Variants in TMEM200A observed in about 807,000 individuals in gnomAD.
TMEM200A encodes the protein two transmembrane C.
TMEM200A carries 12 observed loss-of-function variants against 24.3 expected under a neutral mutation model. The observed-to-expected ratio is 0.49, with a 90% CI of 0.32 to 0.80. TMEM200A has a LOEUF of 0.80. TMEM200A is among the 30% of genes least tolerant of loss of function. The probability of loss-of-function intolerance (pLI) is 0.04; values close to 1 mark genes in which losing one functional copy is unlikely to be tolerated. For synonymous variants in TMEM200A, 224 were observed against 224.4 expected (o/e 1.00, Z 0.02); for missense variants, 545 against 614.4 (o/e 0.89, Z 1.19).
chr6:130,414,955 A>T (rs1779415409), intron 2 of TMEM200A, among the ~76,000 whole-genome samples: 1 of 152,086 alleles, frequency 6.6e-6, no homozygotes, highest in Non-Finnish European at 1.5e-5. Context: ...GAACTTCCAA[A>T]CCCACCTTTG....
intron 2 of TMEM200A, among the ~76,000 whole-genome samples, chr6:130,432,899 T>C (rs1779911710): frequency 6.6e-6 from 1 of 152,174 alleles, no homozygotes; most frequent in Admixed American, 6.5e-5. Context: ...GATTCATTGT[T>C]CAAATGTGGT....
At chr6:130,378,722 CAAAAAA>C (rs56819618) in intron 1 of TMEM200A, among the ~76,000 whole-genome samples, 2 of 56,362 alleles carry the variant, frequency 3.5e-5, no homozygotes, top group African/African-American at 1.2e-4. Flanking sequence ...GACTCCGTCT[CAAAAAA>C]AAAAAAAAAA....
Position 130,441,028 on chromosome 6 carries a change from C to G in TMEM200A, c.606C>G (p.Ala202=), listed in dbSNP as rs761177929. 6.2e-7 allele frequency: 1 copy of G among 1,613,870 alleles called. No homozygotes were observed. Residue 202 remains alanine (A), a synonymous_variant, in exon 3 of 3, where the codon GCC becomes GCG. Coordinates refer to ENST00000296978, the MANE Select transcript of TMEM200A (RefSeq NM_001258277.2). ...TEVKQNGSSC[A]SRLAANTIAS... ...TAAAACAGAATGGGAGCTCCTGTGC[C>G]TCGAGATTGGCAGCAAATACGATCG... is the stretch of plus-strand genomic sequence containing the variant.
At chr6:130,367,407 T>C (rs891241866) in intron 1 of TMEM200A, among the ~76,000 whole-genome samples, 3 of 152,246 alleles carry the variant, frequency 2.0e-5, no homozygotes, top group South Asian at 4.1e-4. Context: ...AGAAAGAATA[T>C]TGAACTCTCG....
intron 2 of TMEM200A, among the ~76,000 whole-genome samples, chr6:130,419,377 A>G (rs1779528299): frequency 6.6e-6 from 1 of 152,188 alleles, no homozygotes; most frequent in Admixed American, 6.6e-5. Context: ...GCTGCAATAA[A>G]CATGGGAGTA....
intron 2 of TMEM200A, among the ~76,000 whole-genome samples, chr6:130,436,963 C>T (rs1554285309): frequency 6.6e-6 from 1 of 152,040 alleles, no homozygotes; most frequent in Non-Finnish European, 1.5e-5. Context: ...TCACTAGGCT[C>T]CTTATTGTGC....
chr6:130,400,472 G>A (rs1419874116), intron 2 of TMEM200A, among the ~76,000 whole-genome samples: 1 of 150,376 alleles, frequency 6.6e-6, no homozygotes, highest in African/African-American at 2.4e-5. Context: ...CCTACTGTTT[G>A]GAGAATCTCC....
At position 130,442,077 on chromosome 6, in the gene TMEM200A, A is replaced by G; in HGVS notation, c.*179A>G. 1 of 520,976 alleles carries G rather than the reference A, an allele frequency of 1.9e-6. No homozygotes were observed. Among genetic ancestry groups the G allele is most frequent in the Non-Finnish European group, 3.4e-6 (1 of 294,822 alleles). 32.3% of individuals were successfully genotyped at this position (520,976 alleles called of 1,614,324 possible). A position where few individuals can be genotyped will look rare whatever the true frequency, so the allele number is the denominator to read the frequency against. On this transcript the variant is annotated 3_prime_UTR_variant, in exon 3 of 3. Coordinates refer to ENST00000296978, the MANE Select transcript of TMEM200A (RefSeq NM_001258277.2). ...TGTTTGGGTTACTTGTGACTGCAGTACTCTATGTTACCACACATGATTTTA... is the reference window on the plus strand; with the variant it reads ...TGTTTGGGTTACTTGTGACTGCAGTGCTCTATGTTACCACACATGATTTTA...
Position 130,441,109 on chromosome 6 carries a change from T to C in TMEM200A, c.687T>C (p.Asp229=). The change falls in exon 3 of 3, where the codon GAT becomes GAC. Residue 229 remains aspartate, a synonymous_variant. Transcript: ENST00000296978. ...GAATGGACAGCTCCGTGGAGGAGGA[T>C]GAACTTATGTTAAATGAAGGTAAGA... ...SFRMDSSVEE[D]ELMLNEGKSS... is the part of the protein sequence containing the mutation. 6.2e-7 allele frequency: 1 copy of C among 1,614,034 alleles called. No homozygotes were observed. The highest frequency in any genetic ancestry group is 8.5e-7 in the Non-Finnish European group (1 of 1,179,976).
At chr6:130,410,224 G>C (rs1278290309) in intron 2 of TMEM200A, among the ~76,000 whole-genome samples, 1 of 152,094 alleles carries the variant, frequency 6.6e-6, no homozygotes, top group African/African-American at 2.4e-5. Context: ...ATTTAGGAAG[G>C]GGCTGAAGAC....
At chr6:130,365,637 C>G, upstream of TMEM200A, 1 of 985,454 alleles carries the variant, frequency 1.0e-6, no homozygotes, top group Non-Finnish European at 1.2e-6. Context: ...CCGGTGGTCC[C>G]GCGGTAGCTA....
chr6:130,374,770 G>A (rs1778409584), intron 1 of TMEM200A, among the ~76,000 whole-genome samples: 1 of 152,066 alleles, frequency 6.6e-6, no homozygotes, highest in South Asian at 2.1e-4. Context: ...TATAATGTTA[G>A]TCACTGATTG....
At chr6:130,365,927 G>T (rs1778126581), upstream of TMEM200A, 1 of 985,588 alleles carries the variant, frequency 1.0e-6, no homozygotes, top group African/African-American at 1.7e-5. Context: ...GGTCGCAGGC[G>T]CGCAGCCACG....
intron 1 of TMEM200A, among the ~76,000 whole-genome samples, chr6:130,375,461 G>A (rs1778432304): frequency 1.3e-5 from 2 of 152,162 alleles, no homozygotes; most frequent in African/African-American, 4.8e-5. Flanking sequence ...ATCCAGTAAT[G>A]ACCAAAACAA....
intron 1 of TMEM200A, among the ~76,000 whole-genome samples, chr6:130,370,937 A>T (rs4897417): frequency 0.18 from 27,282 of 152,166 alleles, 2,732 homozygotes; most frequent in East Asian, 0.39. Flanking sequence ...TTATGCAAAT[A>T]CATTGGGTTG....
chr6:130,406,421 C>T (rs1039532331), intron 2 of TMEM200A, among the ~76,000 whole-genome samples: 16 of 152,056 alleles, frequency 1.1e-4, no homozygotes, highest in Non-Finnish European at 1.6e-4. Flanking sequence ...AGTTTAGTCA[C>T]GTGTATGCAT....
chr6:130,366,143 C>T lies in TMEM200A; in HGVS notation c.-462C>T. The stretch of plus-strand genomic sequence containing the variant: ...TGCCCGGCTTGCTGCGCCCGGTGCC[C>T]TCCGAGGGCAGGCGCGCCTGGACTC... On this transcript the variant is annotated 5_prime_UTR_variant, in exon 1 of 3. Coordinates refer to ENST00000296978, the MANE Select transcript of TMEM200A (RefSeq NM_001258277.2). The surrounding 1 kb of genome is among the most constrained non-coding windows in gnomAD (Gnocchi z 4.4). The T allele has an allele frequency of 1.0e-6, 1 of 985,466 alleles. No individual in the cohort carries two copies. The highest frequency in any genetic ancestry group is 1.2e-6 in the Non-Finnish European group (1 of 829,968). 61.0% of individuals were successfully genotyped at this position (985,466 alleles called of 1,614,324 possible).
chr6:130,376,464 G>A (rs1562549439), intron 1 of TMEM200A, among the ~76,000 whole-genome samples: 1 of 152,050 alleles, frequency 6.6e-6, no homozygotes, highest in Non-Finnish European at 1.5e-5. Flanking sequence ...TGTATTTTTA[G>A]TAGAGATGAG....
chr6:130,440,225 A>G (rs1328532848), intron 2 of TMEM200A, among the ~76,000 whole-genome samples, 182 bp from the exon 3 acceptor site: 1 of 152,226 alleles, frequency 6.6e-6, no homozygotes, highest in Non-Finnish European at 1.5e-5. Flanking sequence ...AGAAATTTAC[A>G]TTAGTCAATA....
Sources: allele counts gnomAD v4.1 joint callset (sites outside exome capture counted in the v4.1 genomes callset), GRCh38; gene constraint gnomAD v4.1.1; non-coding constraint Gnocchi (gnomAD v3.1); transcripts MANE v1.5; gene names NCBI Gene and HGNC (gene_info 2026-07-23, HGNC 2026-07-21).